Variants in LINC00632 observed in about 807,000 individuals in gnomAD.
The protein encoded by LINC00632 is ALDOA related specific transcript.
intron 3 of LINC00632, among the ~76,000 whole-genome samples, chrX:140,756,449 T>G (rs902085830): frequency 2.8e-4 from 31 of 112,025 alleles, no homozygotes; most frequent in African/African-American, 1.0e-3. Flanking sequence ...TATTTTTTAA[T>G]CTCATAAATT....
exon 5 of LINC00632, among the ~76,000 whole-genome samples, chrX:140,790,736 T>A (rs1932096376): frequency 9.0e-6 from 1 of 111,474 alleles, no homozygotes; most frequent in African/African-American, 3.3e-5. Context: ...TTAAAAGAAT[T>A]GTTAGGCTTA....
chrX:140,773,200 AG>A (rs766756724), exon 4 of LINC00632, among the ~76,000 whole-genome samples: 2 of 107,745 alleles, frequency 1.9e-5, no homozygotes, highest in Admixed American at 2.1e-4. Flanking sequence ...AAAAGAGAAG[AG>A]AAGAAAGAAG....
intron 2 of LINC00632, among the ~76,000 whole-genome samples, chrX:140,724,307 AG>A (rs1345815659): frequency 1.9e-4 from 16 of 82,072 alleles, no homozygotes; most frequent in African/African-American, 5.0e-4. Flanking sequence ...ACACACATTC[AG>A]ACACATTCCA....
exon 5 of LINC00632, among the ~76,000 whole-genome samples, chrX:140,790,585 TA>T (rs911522668): frequency 9.0e-6 from 1 of 111,094 alleles, no homozygotes; most frequent in African/African-American, 3.3e-5. Context: ...TGAATGCCCA[TA>T]AAAAATTAAT....
exon 5 of LINC00632, among the ~76,000 whole-genome samples, chrX:140,786,662 T>C (rs1445184392): frequency 9.0e-6 from 1 of 111,579 alleles, no homozygotes; most frequent in Non-Finnish European, 1.9e-5. Flanking sequence ...CTTTTTGGTT[T>C]AGTATATTCC....
At chrX:140,748,067 A>T (rs1018267292) in intron 3 of LINC00632, among the ~76,000 whole-genome samples, 8 of 111,678 alleles carry the variant, frequency 7.2e-5, no homozygotes, top group Admixed American at 1.9e-4. Context: ...ACCTCAGGTG[A>T]TCTGCCCGCC....
exon 4 of LINC00632, among the ~76,000 whole-genome samples, chrX:140,773,000 T>C (rs1465909096): frequency 9.0e-6 from 1 of 111,424 alleles, no homozygotes; most frequent in Non-Finnish European, 1.9e-5. Flanking sequence ...ACCTTGTCTC[T>C]ACTAAAAATA....
chrX:140,716,537 T>A (rs1930632184), intron 2 of LINC00632, among the ~76,000 whole-genome samples: 1 of 109,936 alleles, frequency 9.1e-6, no homozygotes, highest in Non-Finnish European at 1.9e-5. Context: ...GCTCACCATA[T>A]AATATATAGA....
At chrX:140,788,352 A>AAAAT (rs1262267104) in exon 5 of LINC00632, among the ~76,000 whole-genome samples, 11 of 110,317 alleles carry the variant, frequency 1.0e-4, no homozygotes, top group South Asian at 7.7e-4. Flanking sequence ...TTAATGAGTA[A>AAAAT]AAATAAAAGA....
intron 3 of LINC00632, among the ~76,000 whole-genome samples, chrX:140,745,359 C>G (rs1469974681): frequency 9.0e-6 from 1 of 110,655 alleles, no homozygotes; most frequent in Non-Finnish European, 1.9e-5. Flanking sequence ...TACTTGAAGA[C>G]AGCACCTATG....
rs1279641066 is a variant in LINC00632, at chrX:140,772,896, G to A, written n.1010G>A. Among the ~76,000 whole-genome samples, 4 of 112,095 alleles carry A rather than the reference G, an allele frequency of 3.6e-5. No homozygotes were observed. The Admixed American group carries it at 3.8e-4, about 11-fold the overall frequency. On this transcript the variant is annotated non_coding_transcript_exon_variant, in exon 4 of 5. Coordinates refer to ENST00000648200, the Ensembl canonical transcript of LINC00632. ...TGGATGGAAAGTTATAAAATTCATT[G>A]CAAGTAATGGGTGGTTGGGTAGGTT...
chrX:140,784,364 C>T, exon 5 of LINC00632: 1 of 1,208,867 alleles, frequency 8.3e-7, no homozygotes, highest in East Asian at 3.0e-5. Context: ...CCAACCAAGC[C>T]ATGTCTTCCA....
intron 2 of LINC00632, among the ~76,000 whole-genome samples, chrX:140,723,573 T>TAC (rs201755954): frequency 5.3e-4 from 7 of 13,319 alleles, no homozygotes; most frequent in Non-Finnish European, 1.0e-3. Context: ...ACACATTCCA[T>TAC]ACACACACAC....
At chrX:140,778,805 T>G (rs1394938630) in exon 5 of LINC00632, among the ~76,000 whole-genome samples, 2 of 111,561 alleles carry the variant, frequency 1.8e-5, no homozygotes, top group African/African-American at 6.5e-5. Context: ...TTAGTTGTCA[T>G]AGAAATACTT....
intron 3 of LINC00632, among the ~76,000 whole-genome samples, chrX:140,763,091 T>C (rs1019413154): frequency 8.9e-6 from 1 of 111,894 alleles, no homozygotes; most frequent in African/African-American, 3.3e-5. Flanking sequence ...TTAAAGACTA[T>C]AGACAAAAAA....
intron 3 of LINC00632, among the ~76,000 whole-genome samples, chrX:140,735,429 A>G (rs1185649453): frequency 3.6e-5 from 4 of 111,839 alleles, no homozygotes; most frequent in African/African-American, 1.3e-4. Flanking sequence ...AATTTATTAC[A>G]TAACTATTAT....
intron 2 of LINC00632, chrX:140,713,468 T>A (rs879148823): frequency 3.1e-6 from 1 of 326,834 alleles, no homozygotes; most frequent in Non-Finnish European, 6.2e-6. Context: ...TAGAACAGTG[T>A]CTGGCACATA....
At position 140,775,300 on chromosome X, in the gene LINC00632, G is replaced by A. The variant is rs1259360158; in HGVS notation, n.3319G>A. The stretch of plus-strand genomic sequence containing the variant: ...TATATTTACTTCATTTGATTCAATT[G>A]TGTTACAAAAGTTATTGTCATGGTT... On this transcript the variant is annotated non_coding_transcript_exon_variant, in exon 5 of 5. Coordinates refer to ENST00000648200, the Ensembl canonical transcript of LINC00632. Among the ~76,000 whole-genome samples the A allele has an allele frequency of 4.5e-5, 5 of 112,030 alleles. No individual in the cohort carries two copies. In the East Asian group the frequency reaches 1.1e-3, roughly 25 times the overall value.
chrX:140,711,219 G>A (rs888689060), intron 1 of LINC00632, among the ~76,000 whole-genome samples: 2 of 111,097 alleles, frequency 1.8e-5, no homozygotes, highest in African/African-American at 6.5e-5. Flanking sequence ...CATAGTCATT[G>A]TAGTAAATTT....
Sources: gnomAD v4.1 joint callset for allele counts (sites outside exome capture counted in the v4.1 genomes callset) on GRCh38, gnomAD v4.1.1 for gene constraint, MANE v1.5 for transcripts, NCBI Gene and HGNC (gene_info 2026-07-23, HGNC 2026-07-21) for gene names.